Variants in ATG16L1 observed in about 807,000 individuals in gnomAD.
The protein encoded by ATG16L1 is autophagy related 16 like 1.
ATG16L1 carries 37 observed loss-of-function variants against 88.5 expected under a neutral mutation model. The observed-to-expected ratio is 0.42, with a 90% CI of 0.32 to 0.55. The LOEUF is 0.55. Among genes scored for constraint, ATG16L1 ranks in the 20% least tolerant of loss-of-function variants. ATG16L1 has a pLI of 0.13. For synonymous variants in ATG16L1, 301 were observed against 281.0 expected (o/e 1.07, Z -0.71); for missense variants, 554 against 752.8 (o/e 0.74, Z 3.09).
At chr2:233,279,799 C>T (rs1022306131) in intron 10 of ATG16L1, among the ~76,000 whole-genome samples, 1 of 151,726 alleles carries the variant, frequency 6.6e-6, no homozygotes, top group African/African-American at 2.4e-5. Context: ...AGTTTTAATA[C>T]GGTCTTTGTT....
intron 1 of ATG16L1, among the ~76,000 whole-genome samples, chr2:233,254,849 G>A (rs575640465): frequency 4.6e-5 from 7 of 152,252 alleles, no homozygotes; most frequent in African/African-American, 1.4e-4. Context: ...TCTTTTAACA[G>A]GAATAGTCAC....
chr2:233,256,742 C>T (rs1190705714), intron 2 of ATG16L1, among the ~76,000 whole-genome samples: 5 of 151,056 alleles, frequency 3.3e-5, no homozygotes, highest in African/African-American at 7.3e-5. Flanking sequence ...TCACCCAGGC[C>T]GGAGTACAGT....
intron 1 of ATG16L1, among the ~76,000 whole-genome samples, chr2:233,253,042 CT>C (rs1696493375): frequency 6.6e-6 from 1 of 152,200 alleles, no homozygotes; most frequent in African/African-American, 2.4e-5. Context: ...CCCAGACCAA[CT>C]AAATCACAAG....
intron 12 of ATG16L1, chr2:233,283,010 A>G: frequency 2.6e-6 from 1 of 391,232 alleles, no homozygotes; most frequent in Non-Finnish European, 4.8e-6. Context: ...AGGACTAAAT[A>G]CTTTGGTAGA....
chr2:233,293,195 CAG>C, intron 16 of ATG16L1, 59 bp from the exon 17 acceptor site: 1 of 1,425,158 alleles, frequency 7.0e-7, no homozygotes, highest in Non-Finnish European at 9.9e-7. Context: ...AAAAAGGCCA[CAG>C]AGATGCTGAA....
intron 1 of ATG16L1, among the ~76,000 whole-genome samples, chr2:233,254,583 A>G (rs1696646168): frequency 6.6e-6 from 1 of 152,192 alleles, no homozygotes; most frequent in African/African-American, 2.4e-5. Context: ...AACCTTTGGG[A>G]AGGACTCCTT....
chr2:233,289,988 G>T lies in ATG16L1; in HGVS notation c.1324+14G>T. The T allele has an allele frequency of 6.2e-7, 1 of 1,613,226 alleles. No individual in the cohort carries two copies. The highest frequency in any genetic ancestry group is 8.5e-7 in the Non-Finnish European group (1 of 1,179,198). On this transcript the variant is annotated intron_variant, in intron 13 of 17. Coordinates refer to ENST00000392017, the MANE Select transcript of ATG16L1 (RefSeq NM_030803.7). Reference sequence around the variant, plus strand: ...GCAGCAAAGTCTGTGAGGAAATTCAGTCTCTCTGTCTGTGTATATGCTTAG... The same window carrying T: ...GCAGCAAAGTCTGTGAGGAAATTCATTCTCTCTGTCTGTGTATATGCTTAG...
Position 233,251,955 on chromosome 2 carries a change from G to A in ATG16L1, c.115+13G>A. ...ATCATCCTGCAGTGTGAGCGGCGCC[G>A]GTGCGGGCTGGGAGTGGGGCGGGCG... On this transcript the variant is annotated intron_variant, in intron 1 of 17. Coordinates refer to ENST00000392017, the MANE Select transcript of ATG16L1 (RefSeq NM_030803.7). 1.3e-6 allele frequency: 2 copies of A among 1,532,934 alleles called. No individual in the cohort carries two copies. The highest frequency in any genetic ancestry group is 1.8e-6 in the Non-Finnish European group (2 of 1,140,284). 95.0% of individuals were successfully genotyped at this position (1,532,934 alleles called of 1,614,324 possible). A position where few individuals can be genotyped will look rare whatever the true frequency, so the allele number is the denominator to read the frequency against.
chr2:233,266,219 AGGC>A, intron 5 of ATG16L1: 1 of 152,306 alleles, frequency 6.6e-6, no homozygotes, highest in South Asian at 2.0e-4. Context: ...GCGGAGGCGG[AGGC>A]GGAGGCGGGA....
At position 233,289,897 on chromosome 2, in the gene ATG16L1, TC is replaced by T; in HGVS notation, c.1249del (p.Leu417CysfsTer27). 1.2e-6 allele frequency: 2 copies of T among 1,614,200 alleles called. No homozygotes were observed. Among genetic ancestry groups the T allele is most frequent in the African/African-American group, 2.7e-5 (2 of 75,062 alleles). ...AGTGGGAAAGTGCTGTCTGCTAAGT[TC>T]CTGCTGGACAATGCGCGGATTGTCT... is the stretch of plus-strand genomic sequence containing the variant. ...GHSGKVLSAK[F>X]LLDNARIVSG... On this transcript the variant is annotated frameshift_variant, in exon 13 of 18. Coordinates refer to ENST00000392017, the MANE Select transcript of ATG16L1 (RefSeq NM_030803.7). LOFTEE classifies it high-confidence loss of function.
At chr2:233,290,925 T>C (rs1009007841) in intron 14 of ATG16L1, among the ~76,000 whole-genome samples, 6 of 152,212 alleles carry the variant, frequency 3.9e-5, no homozygotes, top group African/African-American at 1.4e-4. Context: ...CGTTGGGTGT[T>C]TAGCAAGGAA....
chr2:233,269,926 G>C, intron 5 of ATG16L1, 76 bp from the exon 6 acceptor site: 1 of 1,432,110 alleles, frequency 7.0e-7, no homozygotes, highest in Non-Finnish European at 9.4e-7. Context: ...AGAACTGGTG[G>C]CTTCTAGAGA....
At chr2:233,276,188 A>AT (rs903047903) in intron 9 of ATG16L1, among the ~76,000 whole-genome samples, 5 of 151,348 alleles carry the variant, frequency 3.3e-5, no homozygotes, top group East Asian at 3.9e-4. Context: ...CAAGCATTTT[A>AT]TTTTTTTTTA....
At chr2:233,265,563 G>A (rs574005288) in intron 5 of ATG16L1, among the ~76,000 whole-genome samples, 3 of 152,168 alleles carry the variant, frequency 2.0e-5, no homozygotes, top group South Asian at 2.1e-4. Flanking sequence ...TCCACCTCCC[G>A]GGGTCAAGTG....
chr2:233,253,318 A>T (rs1450103452), intron 1 of ATG16L1, among the ~76,000 whole-genome samples: 1 of 146,248 alleles, frequency 6.8e-6, no homozygotes, highest in Non-Finnish European at 1.5e-5. Flanking sequence ...ACAGCAGGTT[A>T]ATGGTGAGAC....
chr2:233,252,455 T>C (rs946549885), intron 1 of ATG16L1, among the ~76,000 whole-genome samples: 4 of 152,052 alleles, frequency 2.6e-5, no homozygotes, highest in African/African-American at 9.7e-5. Flanking sequence ...AGATCACGGC[T>C]CACTGCAGTC....
chr2:233,275,241 G>A (rs574109931), intron 9 of ATG16L1: 11 of 196,402 alleles, frequency 5.6e-5, no homozygotes, highest in Non-Finnish European at 1.1e-4. Flanking sequence ...CAGAAGCCAC[G>A]GTGATGGATA....
In ATG16L1 at chr2:233,292,173, T is replaced by C; in HGVS notation, c.1476T>C (p.Thr492=). Residue 492 remains threonine, a synonymous_variant, in exon 15 of 18, where the codon ACT becomes ACC. Transcript: ENST00000392017. ...AGATGGAGCTGTTGGGAAAGATTAC[T>C]GCCCTGGACTTAAACCCAGAAAGGA... ...VREMELLGKI[T]ALDLNPERTE... is the part of the protein sequence containing the mutation. The C allele has an allele frequency of 6.2e-7, 1 of 1,614,262 alleles. No individual in the cohort carries two copies. Among genetic ancestry groups the C allele is most frequent in the Non-Finnish European group, 8.5e-7 (1 of 1,180,044 alleles).
At position 233,282,706 on chromosome 2, in the gene ATG16L1, A is replaced by G. The variant is rs764933153; in HGVS notation, c.1156A>G (p.Asn386Asp). The G allele has an allele frequency of 6.2e-7, 1 of 1,614,172 alleles. No homozygotes were observed. Among genetic ancestry groups the G allele is most frequent in the Non-Finnish European group, 8.5e-7 (1 of 1,180,000 alleles). The change falls in exon 12 of 18, where the codon AAT becomes GAT. Residue 386 changes from asparagine to aspartate, a missense_variant. Physicochemically the swap from Asn to Asp is conservative, Grantham distance 23. Around this residue, in one of 5 missense-constraint regions of ATG16L1, gnomAD observed 370 missense variants for 509.7 expected, o/e 0.73. Coordinates refer to ENST00000392017, the MANE Select transcript of ATG16L1 (RefSeq NM_030803.7). ...SAGSYLLAAS[N>D]DFASRIWTVD... ...GGGATCTTACCTCTTAGCAGCTTCA[A>G]ATGATTTTGCAAGCCGAATCTGGAC...
Sources: gnomAD v4.1 joint callset for allele counts (sites outside exome capture counted in the v4.1 genomes callset) on GRCh38, gnomAD v4.1.1 for gene constraint, gnomAD v4.1.1 regional missense constraint, MANE v1.5 for transcripts, NCBI Gene and HGNC (gene_info 2026-07-23, HGNC 2026-07-21) for gene names.